The following PKP2 variants were observed in gnomAD, a reference collection of about 807,000 sequenced individuals.
PKP2 encodes plakophilin 2.
A neutral mutation model predicts 83.4 loss-of-function variants in PKP2; 73 were observed. The ratio of observed to expected loss-of-function variants is 0.88; its 90% CI spans 0.72 to 1.06. The LOEUF (loss-of-function observed/expected upper bound fraction) is 1.06, where lower values mean the gene tolerates loss of function less well. Ranked by LOEUF, PKP2 falls within the 50% of genes least tolerant of loss-of-function variation. The pLI is 0.00. For missense variants in PKP2, 966 were observed against 1,065.4 expected (o/e 0.91, Z 1.30); for synonymous variants, 409 against 430.4 (o/e 0.95, Z 0.62).
At chr12:32,895,706 C>G (rs1474031688) in intron 1 of PKP2, among the ~76,000 whole-genome samples, 1 of 152,208 alleles carries the variant, frequency 6.6e-6, no homozygotes, top group East Asian at 1.9e-4. Context: ...CATCTTCTTT[C>G]CCTTCCACCT....
intron 4 of PKP2, among the ~76,000 whole-genome samples, chr12:32,858,210 C>T (rs1177478233): frequency 2.8e-5 from 4 of 143,490 alleles, no homozygotes; most frequent in Non-Finnish European, 6.0e-5. Context: ...TGGGAGGCTC[C>T]GGTGGGAGGA....
intron 1 of PKP2, among the ~76,000 whole-genome samples, chr12:32,895,045 A>G (rs1957109610): frequency 6.6e-6 from 1 of 152,208 alleles, no homozygotes. Context: ...CTTAATGATA[A>G]AACTGATAAG....
chr12:32,892,822 G>GGGGC (rs1957086464), intron 1 of PKP2, among the ~76,000 whole-genome samples: 1 of 125,158 alleles, frequency 8.0e-6, no homozygotes, highest in Non-Finnish European at 1.8e-5. Flanking sequence ...TGGGGGCGGG[G>GGGGC]GGGGGGGGAG....
intron 11 of PKP2, among the ~76,000 whole-genome samples, chr12:32,793,195 C>T (rs1956088570): frequency 6.6e-6 from 1 of 152,174 alleles, no homozygotes; most frequent in East Asian, 1.9e-4. Flanking sequence ...GAGCCGAGAT[C>T]ACGCCACTGC....
chr12:32,854,538 T>C (rs1484643950), intron 4 of PKP2, among the ~76,000 whole-genome samples: 2 of 152,190 alleles, frequency 1.3e-5, no homozygotes, highest in African/African-American at 4.8e-5. Context: ...TTAGGACCAA[T>C]GTCAAATATG....
At chr12:32,801,280 G>A (rs1395414327) in intron 10 of PKP2, among the ~76,000 whole-genome samples, 1 of 152,174 alleles carries the variant, frequency 6.6e-6, no homozygotes, top group African/African-American at 2.4e-5. Flanking sequence ...ATTTACCTTG[G>A]TGGTGTTTTA....
chr12:32,829,239 A>G (rs1289139457), intron 6 of PKP2, among the ~76,000 whole-genome samples: 2 of 149,028 alleles, frequency 1.3e-5, no homozygotes, highest in Non-Finnish European at 3.0e-5. Flanking sequence ...AAATTTCTTT[A>G]TTTTTTATTT....
chr12:32,892,074 A>C (rs1957078752), intron 1 of PKP2, among the ~76,000 whole-genome samples: 1 of 152,076 alleles, frequency 6.6e-6, no homozygotes, highest in Non-Finnish European at 1.5e-5. Context: ...TTCAGAGCAG[A>C]GGGCCATGAC....
intron 1 of PKP2, among the ~76,000 whole-genome samples, chr12:32,880,123 C>A (rs1219535079): frequency 6.6e-6 from 1 of 151,188 alleles, no homozygotes; most frequent in Non-Finnish European, 1.5e-5. Flanking sequence ...ACAGGATAGG[C>A]CGGGCGTGGT....
rs1242113293 is a variant in PKP2, at chr12:32,896,712, G to T, written c.20C>A (p.Pro7Gln). 1 of 1,475,556 alleles carries T rather than the reference G, an allele frequency of 6.8e-7. No individual in the cohort carries two copies. The allele number at this position is 1,475,556 out of a possible 1,614,324, so 91.4% of individuals were successfully genotyped here. ...GGTCCGGATGTAGCCGTACTCAGCT[G>T]GGGCGCCGGGGGCTGCCATGGGGCC... Reference protein sequence around the residue: MAAPGAPAEYGYIRTVL... With the variant: MAAPGAQAEYGYIRTVL... Residue 7 changes from proline (P) to glutamine (Q), a missense_variant, in exon 1 of 13, where the codon CCA becomes CAA. Physicochemically the swap from Pro to Gln is moderately conservative, Grantham distance 76. Coordinates refer to ENST00000340811, the MANE Select transcript of PKP2 (RefSeq NM_001005242.3).
At chr12:32,812,154 CTG>C (rs1461563344) in intron 9 of PKP2, among the ~76,000 whole-genome samples, 82 of 134,264 alleles carry the variant, frequency 6.1e-4, no homozygotes, top group Non-Finnish European at 2.3e-4. Context: ...GCTGAGTAAA[CTG>C]TGTATTGTGT....
chr12:32,852,848 T>C (rs566338769), intron 4 of PKP2, among the ~76,000 whole-genome samples: 9 of 151,788 alleles, frequency 5.9e-5, no homozygotes, highest in South Asian at 2.1e-4. Context: ...CTTTGGGAGG[T>C]CAAGGTGGGC....
chr12:32,891,497 T>G (rs561870735), intron 1 of PKP2, among the ~76,000 whole-genome samples: 1 of 152,330 alleles, frequency 6.6e-6, no homozygotes, highest in Non-Finnish European at 1.5e-5. Flanking sequence ...TAACTATGTA[T>G]AGGCTTATTT....
intron 4 of PKP2, among the ~76,000 whole-genome samples, chr12:32,864,734 G>T (rs1307925090): frequency 6.6e-6 from 1 of 152,104 alleles, no homozygotes; most frequent in Non-Finnish European, 1.5e-5. Context: ...CTTTGAAAAA[G>T]AATAAAATGG....
At chr12:32,837,641 A>G (rs1214295686) in intron 6 of PKP2, among the ~76,000 whole-genome samples, 1 of 152,220 alleles carries the variant, frequency 6.6e-6, no homozygotes, top group East Asian at 1.9e-4. Flanking sequence ...AACACTGTTT[A>G]AAACAGTGCT....
intron 4 of PKP2, among the ~76,000 whole-genome samples, chr12:32,859,321 T>A (rs1956779347): frequency 6.6e-6 from 1 of 152,222 alleles, no homozygotes; most frequent in African/African-American, 2.4e-5. Flanking sequence ...TCCATTAAGT[T>A]CTCATTCCAC....
chr12:32,866,712 G>A (rs912061354), intron 4 of PKP2, among the ~76,000 whole-genome samples: 19 of 152,082 alleles, frequency 1.2e-4, no homozygotes, highest in Admixed American at 5.9e-4. Flanking sequence ...CTCATAAATT[G>A]TGAGTGGGAA....
chr12:32,841,974 T>G (rs1280249955), intron 5 of PKP2, among the ~76,000 whole-genome samples: 2 of 152,172 alleles, frequency 1.3e-5, no homozygotes, highest in Non-Finnish European at 2.9e-5. Context: ...TCTTTCCTCT[T>G]GAATCCCCCA....
At chr12:32,807,651 C>T (rs1956238519) in intron 9 of PKP2, among the ~76,000 whole-genome samples, 1 of 152,152 alleles carries the variant, frequency 6.6e-6, no homozygotes, top group Admixed American at 6.5e-5. Context: ...AGTGTGTTTT[C>T]ATAGTGGCTG....
Sources: allele counts gnomAD v4.1 joint callset (sites outside exome capture counted in the v4.1 genomes callset), GRCh38; gene constraint gnomAD v4.1.1; transcripts MANE v1.5; gene names NCBI Gene and HGNC (gene_info 2026-07-23, HGNC 2026-07-21).